Variants in HIVEP1 observed in about 807,000 individuals in gnomAD.
HIVEP1 encodes HIVEP zinc finger 1.
In HIVEP1, 36 loss-of-function variants were observed where a neutral mutation model predicts 180.0. The observed-to-expected ratio is 0.20, with a 90% CI of 0.15 to 0.26. HIVEP1 has a LOEUF of 0.26. HIVEP1 is among the 10% of genes least tolerant of loss of function. HIVEP1 has a pLI of 1.00. For missense variants in HIVEP1, 3,143 were observed against 3,268.7 expected, an observed-to-expected ratio of 0.96 and a Z score of 0.94; for synonymous variants, 1,239 against 1,239.0, an observed-to-expected ratio of 1.00 and a Z score of 0.00.
chr6:12,101,475 C>T (rs533080960), intron 3 of HIVEP1, among the ~76,000 whole-genome samples: 1 of 151,936 alleles, frequency 6.6e-6, no homozygotes, highest in Admixed American at 6.5e-5. Context: ...ATAATGTTGC[C>T]ACATCTCACT....
At chr6:12,206,535 G>A in the HIVEP1 span, among the ~76,000 whole-genome samples, 2 of 152,116 alleles carry the variant, frequency 1.3e-5, no homozygotes, top group African/African-American at 2.4e-5. Flanking sequence ...CACAAGCCAA[G>A]GAATTTTGAG....
chr6:12,186,276 A>T, the HIVEP1 span, among the ~76,000 whole-genome samples: 1 of 150,546 alleles, frequency 6.6e-6, no homozygotes, highest in Non-Finnish European at 1.5e-5. Flanking sequence ...ATACATATAT[A>T]CATATAATTA....
rs754077804 is a variant in HIVEP1, at chr6:12,124,339, TAAATC to T, written c.4550_4554del (p.Gln1517ProfsTer5). ...CAACAGCTCTGTGATATCAATTTGTTAAATCAAATCCATGCACCGCCTAGCCACCA... is the reference window on the plus strand; with the variant it reads ...CAACAGCTCTGTGATATCAATTTGTTAAATCCATGCACCGCCTAGCCACCA... On this transcript the variant is annotated frameshift_variant, in exon 4 of 9. Coordinates refer to ENST00000379388, the MANE Select transcript of HIVEP1 (RefSeq NM_002114.4). LOFTEE classifies it high-confidence loss of function. The T allele has an allele frequency of 1.9e-6, 3 of 1,614,088 alleles. No individual in the cohort carries two copies. The highest frequency in any genetic ancestry group is 2.5e-6 in the Non-Finnish European group (3 of 1,179,988).
At chr6:12,026,730 A>T (rs553601125) in intron 2 of HIVEP1, among the ~76,000 whole-genome samples, 6 of 152,346 alleles carry the variant, frequency 3.9e-5, no homozygotes, top group Admixed American at 1.3e-4. Context: ...GGTCAGTATG[A>T]TTTGTTGACA....
intron 3 of HIVEP1, among the ~76,000 whole-genome samples, chr6:12,111,407 T>C (rs1774881303): frequency 1.3e-5 from 2 of 152,252 alleles, no homozygotes; most frequent in African/African-American, 4.8e-5. Flanking sequence ...ACTTACTGTC[T>C]TGTGGTTCTG....
At position 12,124,691 on chromosome 6, in the gene HIVEP1, A is replaced by G; in HGVS notation, c.4896A>G (p.Ser1632=). 1.2e-6 allele frequency: 2 copies of G among 1,614,162 alleles called. No homozygotes were observed. The highest frequency in any genetic ancestry group is 1.7e-6 in the Non-Finnish European group (2 of 1,180,002). ...GAAGTCAGGTGCAGAAGGTGCCATC[A>G]TCATTCATGCTGCCCATACGCCTGC... ...PLGSQVQKVP[S]SFMLPIRLQS... The change falls in exon 4 of 9, where the codon TCA becomes TCG. Residue 1632 remains serine (S), a synonymous_variant. Coordinates refer to ENST00000379388, the MANE Select transcript of HIVEP1 (RefSeq NM_002114.4).
intron 3 of HIVEP1, among the ~76,000 whole-genome samples, chr6:12,104,592 TTTTTTG>T (rs201727742): frequency 2.0e-5 from 3 of 151,768 alleles, no homozygotes; most frequent in Admixed American, 6.6e-5. Context: ...ATTATATTTG[TTTTTTG>T]TTTTTGTTTT....
intron 7 of HIVEP1, among the ~76,000 whole-genome samples, chr6:12,143,833 T>A (rs765463098): frequency 4.6e-5 from 7 of 152,182 alleles, no homozygotes; most frequent in Non-Finnish European, 8.8e-5. Context: ...TTACAAGGGA[T>A]GTGAAGGACC....
the HIVEP1 span, among the ~76,000 whole-genome samples, chr6:12,206,960 GTAAT>G: frequency 1.3e-5 from 2 of 151,838 alleles, no homozygotes; most frequent in Non-Finnish European, 2.9e-5. Flanking sequence ...ATTTCCTCCT[GTAAT>G]TAACCTGTCA....
intron 2 of HIVEP1, among the ~76,000 whole-genome samples, chr6:12,057,958 A>G (rs1770983326): frequency 6.6e-6 from 1 of 152,200 alleles, no homozygotes; most frequent in African/African-American, 2.4e-5. Context: ...TGTCTAACAA[A>G]TACTCAAATA....
At chr6:12,140,428 A>C (rs891864278) in intron 7 of HIVEP1, among the ~76,000 whole-genome samples, 2 of 152,268 alleles carry the variant, frequency 1.3e-5, no homozygotes, top group African/African-American at 4.8e-5. Context: ...AGACCAGAAC[A>C]TCTGAAAATT....
chr6:12,022,636 A>G (rs1299862983), intron 2 of HIVEP1, among the ~76,000 whole-genome samples: 1 of 152,252 alleles, frequency 6.6e-6, no homozygotes, highest in Non-Finnish European at 1.5e-5. Context: ...AGCATTTGCC[A>G]CAGTGCCTGA....
chr6:12,042,112 G>T (rs1373830983), intron 2 of HIVEP1, among the ~76,000 whole-genome samples: 1 of 136,234 alleles, frequency 7.3e-6, no homozygotes, highest in African/African-American at 2.8e-5. Context: ...TCGCTCTGTC[G>T]CCAAGGCGGG....
In HIVEP1 at chr6:12,111,467, G is replaced by A. The variant is rs146885044; in HGVS notation, c.95-8423G>A. ...CTGGCTATAATGATGATGTCAGCAG[G>A]TCTGTCTTCTGGAGGCTCCAGGGGA... On this transcript the variant is annotated intron_variant, in intron 3 of 8. Transcript: ENST00000379388. Among the ~76,000 whole-genome samples the A allele has an allele frequency of 4.3e-3, 654 of 152,374 alleles. 1 individual carries two copies. Among genetic ancestry groups the A allele is most frequent in the Non-Finnish European group, 6.4e-3 (433 of 68,042 alleles).
intron 7 of HIVEP1, among the ~76,000 whole-genome samples, chr6:12,139,230 C>T (rs1480274395): frequency 6.6e-6 from 1 of 152,114 alleles, no homozygotes; most frequent in Non-Finnish European, 1.5e-5. Context: ...GGCTCAGCTC[C>T]CCAACCTTCC....
chr6:12,203,388 G>A, the HIVEP1 span, among the ~76,000 whole-genome samples: 1 of 152,214 alleles, frequency 6.6e-6, no homozygotes. Context: ...AGTGAAGAGT[G>A]GCAGTCGGCA....
chr6:12,045,824 T>C (rs1014912549), intron 2 of HIVEP1, among the ~76,000 whole-genome samples: 3 of 152,250 alleles, frequency 2.0e-5, no homozygotes, highest in African/African-American at 7.2e-5. Flanking sequence ...ACATCTGCAG[T>C]GGTGAATACG....
At chr6:12,109,636 C>G (rs573983873) in intron 3 of HIVEP1, among the ~76,000 whole-genome samples, 1 of 152,332 alleles carries the variant, frequency 6.6e-6, no homozygotes, top group South Asian at 2.1e-4. Flanking sequence ...CACTTTAGTT[C>G]TGCTTCTCTT....
At chr6:12,079,039 T>TAA (rs1772588729) in intron 2 of HIVEP1, among the ~76,000 whole-genome samples, 1 of 152,092 alleles carries the variant, frequency 6.6e-6, no homozygotes, top group Non-Finnish European at 1.5e-5. Context: ...TACTGTCTTG[T>TAA]TCTTGCTCTC....
Sources: gnomAD v4.1 joint callset for allele counts (sites outside exome capture counted in the v4.1 genomes callset) on GRCh38, gnomAD v4.1.1 for gene constraint, MANE v1.5 for transcripts, NCBI Gene and HGNC (gene_info 2026-07-23, HGNC 2026-07-21) for gene names.